LGSN: variants seen among roughly 807,000 people sequenced by gnomAD.
LGSN encodes the protein lengsin, lens protein with glutamine synthetase domain, also known as lengsin.
Under a neutral mutation model 19.5 loss-of-function variants are expected in LGSN, and 21 were observed. The ratio of observed to expected loss-of-function variants is 1.07; its 90% confidence interval spans 0.76 to 1.55. The LOEUF is 1.55. LGSN is among the 40% of genes most tolerant of loss of function. LGSN has a pLI of 0.00. For synonymous variants in LGSN, 257 were observed against 215.6 expected (o/e 1.19, Z -1.68); for missense variants, 673 against 608.5 (o/e 1.11, Z -1.12).
chr6:63,480,940 G>GATATATATAT, the LGSN span, among the ~76,000 whole-genome samples: 9 of 59,884 alleles, frequency 1.5e-4, no homozygotes, highest in African/African-American at 4.0e-4. Context: ...TAAAGAAAAT[G>GATATATATAT]ATATATATAT....
At chr6:63,550,180 T>A in the LGSN span, 1 of 152,172 alleles carries the variant, frequency 6.6e-6, no homozygotes, top group Non-Finnish European at 1.5e-5. Flanking sequence ...CAGTGATTGG[T>A]TTTTTAATCT....
the LGSN span, among the ~76,000 whole-genome samples, chr6:63,459,143 A>G: frequency 1.3e-5 from 2 of 152,196 alleles, no homozygotes; most frequent in Non-Finnish European, 2.9e-5. Context: ...CAATGTTTCC[A>G]TTAATTATAG....
chr6:63,328,907 C>G, the LGSN span, among the ~76,000 whole-genome samples: 1 of 152,194 alleles, frequency 6.6e-6, no homozygotes, highest in East Asian at 1.9e-4. Context: ...TCCAAGGAAC[C>G]CCTTCAACTG....
At chr6:63,525,704 C>G in the LGSN span, among the ~76,000 whole-genome samples, 1 of 152,164 alleles carries the variant, frequency 6.6e-6, no homozygotes, top group Admixed American at 6.5e-5. Context: ...TTTCACCTTT[C>G]CCCCCAGGCC....
chr6:63,514,900 C>T, the LGSN span, among the ~76,000 whole-genome samples: 5 of 151,978 alleles, frequency 3.3e-5, no homozygotes, highest in African/African-American at 1.2e-4. Context: ...GACAGGGTCT[C>T]ACCATGTTGC....
the LGSN span, among the ~76,000 whole-genome samples, chr6:63,514,420 G>T: frequency 2.0e-5 from 3 of 152,184 alleles, no homozygotes; most frequent in Non-Finnish European, 4.4e-5. Flanking sequence ...TGGAGATGGG[G>T]TTTCACCATG....
At chr6:63,520,405 T>C in the LGSN span, among the ~76,000 whole-genome samples, 1 of 152,094 alleles carries the variant, frequency 6.6e-6, no homozygotes, top group African/African-American at 2.4e-5. Context: ...GGCGGGCGGA[T>C]CACTTGAGGC....
At chr6:63,412,473 AGAAGAAAGAG>A in the LGSN span, among the ~76,000 whole-genome samples, 1 of 122,108 alleles carries the variant, frequency 8.2e-6, no homozygotes, top group Admixed American at 8.3e-5. Flanking sequence ...AAAAAGAGAG[AGAAGAAAGAG>A]AAGAAAGAAA....
the LGSN span, among the ~76,000 whole-genome samples, chr6:63,500,792 A>G: frequency 1.3e-5 from 2 of 151,252 alleles, no homozygotes; most frequent in African/African-American, 4.9e-5. Flanking sequence ...CAGTGATGCA[A>G]TCTCCACTCA....
chr6:63,434,195 T>C, the LGSN span, among the ~76,000 whole-genome samples: 1 of 151,960 alleles, frequency 6.6e-6, no homozygotes, highest in Non-Finnish European at 1.5e-5. Context: ...TCCCAGCATT[T>C]TGGGAGGCTG....
the LGSN span, among the ~76,000 whole-genome samples, chr6:63,559,297 A>C: frequency 6.6e-6 from 1 of 152,212 alleles, no homozygotes; most frequent in Admixed American, 6.5e-5. Context: ...GCAAGGACTT[A>C]AGTGGAGTTA....
the LGSN span, among the ~76,000 whole-genome samples, chr6:63,385,439 A>C: frequency 1.3e-5 from 2 of 152,206 alleles, no homozygotes; most frequent in Non-Finnish European, 2.9e-5. Context: ...GATTTCTTTA[A>C]GCTGTGGTTT....
At position 63,276,173 on chromosome 6, in the gene LGSN, T is replaced by C. The variant is rs1201785746; in HGVS notation, c.*3848A>G. 6.6e-6 allele frequency: 1 copy of C among 152,174 alleles called. No homozygotes were observed. The highest frequency in any genetic ancestry group is 1.5e-5 in the Non-Finnish European group (1 of 68,020). The allele number at this position is 152,174 out of a possible 1,614,324, so 9.4% of individuals were successfully genotyped here. A position where few individuals can be genotyped will look rare whatever the true frequency, so the allele number is the denominator to read the frequency against. On this transcript the variant is annotated 3_prime_UTR_variant, in exon 4 of 4. Transcript: ENST00000370657. ...CCTATATCATAAACATATTGGTGAG[T>C]GTATTTTGTCAAACAGGTGACTGGA... is the stretch of plus-strand genomic sequence containing the variant.
At chr6:63,543,953 A>T in the LGSN span, among the ~76,000 whole-genome samples, 2 of 152,240 alleles carry the variant, frequency 1.3e-5, no homozygotes, top group Admixed American at 6.5e-5. Flanking sequence ...GTTTTTTTAC[A>T]GATATAAAGA....
At chr6:63,535,756 C>T in the LGSN span, among the ~76,000 whole-genome samples, 220 of 152,196 alleles carry the variant, frequency 1.4e-3, no homozygotes, top group Non-Finnish European at 2.3e-3. Context: ...GACAGCCTTC[C>T]GGAAGATTAT....
At chr6:63,282,224 G>T (rs1019019090) in intron 3 of LGSN, among the ~76,000 whole-genome samples, 11 of 152,188 alleles carry the variant, frequency 7.2e-5, no homozygotes, top group African/African-American at 2.2e-4. Flanking sequence ...AAGGTTGAAG[G>T]TTACATTAAT....
chr6:63,373,450 C>T, the LGSN span, among the ~76,000 whole-genome samples: 3 of 152,152 alleles, frequency 2.0e-5, no homozygotes, highest in South Asian at 6.2e-4. Context: ...TCCTTACCCG[C>T]TTCTCCTCCA....
chr6:63,437,391 A>G, the LGSN span, among the ~76,000 whole-genome samples: 4 of 151,124 alleles, frequency 2.6e-5, no homozygotes, highest in Non-Finnish European at 5.9e-5. Context: ...CCACAGTACT[A>G]TTTCTTTCTT....
the LGSN span, among the ~76,000 whole-genome samples, chr6:63,531,297 G>A: frequency 6.6e-6 from 1 of 152,186 alleles, no homozygotes; most frequent in Admixed American, 6.5e-5. Flanking sequence ...ATGGAATGAA[G>A]GGCAAATACC....
Sources: gnomAD v4.1 joint callset for allele counts (sites outside exome capture counted in the v4.1 genomes callset) on GRCh38, gnomAD v4.1.1 for gene constraint, MANE v1.5 for transcripts, NCBI Gene and HGNC (gene_info 2026-07-23, HGNC 2026-07-21) for gene names.